ZFHX3: variants seen among roughly 807,000 people sequenced by gnomAD.
ZFHX3 encodes zinc finger homeobox protein 3.
Under a neutral mutation model 279.1 loss-of-function variants are expected in ZFHX3, and 42 were observed. That is an observed-to-expected ratio of 0.15 (90% CI 0.12 to 0.19). The LOEUF (loss-of-function observed/expected upper bound fraction) is 0.19, where lower values mean the gene tolerates loss of function less well. Among genes scored for constraint, ZFHX3 ranks in the 10% least tolerant of loss-of-function variants. The probability of loss-of-function intolerance (pLI) is 1.00; values close to 1 mark genes in which losing one functional copy is unlikely to be tolerated. For synonymous variants in ZFHX3, 2,293 were observed against 1,957.8 expected (o/e 1.17, Z -4.52); for missense variants, 4,981 against 4,754.0 (o/e 1.05, Z -1.40).
intron 3 of ZFHX3, among the ~76,000 whole-genome samples, chr16:73,443,646 T>G (rs955896506): frequency 5.3e-5 from 8 of 152,216 alleles, no homozygotes; most frequent in African/African-American, 1.9e-4. Context: ...AAATCTATTT[T>G]CCTCCTTCCC....
At position 73,437,236 on chromosome 16, in the gene ZFHX3, G is replaced by C. The variant is rs531494918; in HGVS notation, c.-1291+18767C>G. Among the ~76,000 whole-genome samples, 6 of 152,222 alleles carry C rather than the reference G, an allele frequency of 3.9e-5. No homozygotes were observed. The East Asian group carries it at 1.2e-3, about 29-fold the overall frequency. On this transcript the variant is annotated intron_variant, in intron 3 of 17. Coordinates refer to the ZFHX3 transcript ENST00000641206. ...GTATTTTGCAGATGAAAAAACTTAG[G>C]GCCAGAGAGATTAAATGACTGGTTC... is the stretch of plus-strand genomic sequence containing the variant.
chr16:72,987,185 T>G (rs1443855034), intron 1 of ZFHX3, among the ~76,000 whole-genome samples: 1 of 152,068 alleles, frequency 6.6e-6, no homozygotes, highest in East Asian at 1.9e-4. Context: ...AACTCAAGTT[T>G]TAAGGAGAAT....
intron 5 of ZFHX3, among the ~76,000 whole-genome samples, chr16:73,212,086 C>G (rs1301870254): frequency 2.6e-5 from 4 of 151,958 alleles, no homozygotes; most frequent in Non-Finnish European, 5.9e-5. Context: ...TGACTTCTCT[C>G]TCTCTCTTTT....
chr16:73,585,783 T>C (rs1054176350), intron 2 of ZFHX3, among the ~76,000 whole-genome samples: 2 of 152,144 alleles, frequency 1.3e-5, no homozygotes, highest in Non-Finnish European at 2.9e-5. Context: ...AGGTAGTAAG[T>C]GCAGTTAAAA....
chr16:73,706,473 A>AG (rs1278274924), intron 1 of ZFHX3, among the ~76,000 whole-genome samples: 1 of 150,140 alleles, frequency 6.7e-6, no homozygotes, highest in African/African-American at 2.5e-5. Context: ...AAAAAAAAAA[A>AG]AGAGAAAAAT....
intron 1 of ZFHX3, among the ~76,000 whole-genome samples, chr16:73,018,212 G>A (rs557620012): frequency 2.0e-5 from 3 of 151,548 alleles, no homozygotes; most frequent in Non-Finnish European, 2.9e-5. Context: ...GGCTGGTCTC[G>A]AACTCCTGGG....
chr16:73,100,405 T>A (rs568387874), intron 7 of ZFHX3, among the ~76,000 whole-genome samples: 1 of 152,304 alleles, frequency 6.6e-6, no homozygotes, highest in South Asian at 2.1e-4. Context: ...TTTTCTTTGA[T>A]CTGGCCCAGG....
rs541233274 is a variant in ZFHX3, at chr16:73,301,630, TG to T, written c.-1194+16609del. On this transcript the variant is annotated intron_variant, in intron 4 of 17. Transcript: ENST00000641206. The stretch of plus-strand genomic sequence containing the variant: ...CTAGACAGTCCTAGAGGCCTTGCAA[TG>T]TGGGCACCTCAACAAGGTCCCGATA... Among the ~76,000 whole-genome samples, 9 of 152,244 alleles carry T rather than the reference TG, an allele frequency of 5.9e-5. No homozygotes were observed. The East Asian group carries it at 1.7e-3, about 29-fold the overall frequency.
intron 3 of ZFHX3, among the ~76,000 whole-genome samples, chr16:73,349,009 G>A (rs753924235): frequency 9.2e-5 from 14 of 152,130 alleles, no homozygotes; most frequent in Non-Finnish European, 1.6e-4. Flanking sequence ...TATTATCCTG[G>A]GGGTCCACAG....
At chr16:73,183,602 G>T (rs1967848138) in intron 5 of ZFHX3, among the ~76,000 whole-genome samples, 1 of 152,154 alleles carries the variant, frequency 6.6e-6, no homozygotes, top group Non-Finnish European at 1.5e-5. Context: ...AGATGGTTGG[G>T]GCTACAGCCC....
chr16:73,677,600 G>C (rs938780042), intron 2 of ZFHX3, among the ~76,000 whole-genome samples: 4 of 151,788 alleles, frequency 2.6e-5, no homozygotes, highest in Admixed American at 6.6e-5. Context: ...TTTAACAATA[G>C]ATTTCTAGAA....
chr16:72,874,195 TTGA>T lies in ZFHX3; in HGVS notation c.3448+15533_3448+15535del, dbSNP rs1471602758. Among the ~76,000 whole-genome samples the T allele has an allele frequency of 7.8e-4, 99 of 127,638 alleles. 2 individuals carry two copies. The highest frequency in any genetic ancestry group is 2.9e-3 in the African/African-American group (98 of 34,050). The allele number at this position is 127,638 out of a possible 152,430, so 83.7% of individuals were successfully genotyped here. ...GCCTGGAGCTCAGATGGAGGATTTT[TTGA>T]TTTTTTTTTTTTTTTTTTTTTTTTT... On this transcript the variant is annotated intron_variant, in intron 4 of 9. Coordinates refer to ENST00000268489, the MANE Select transcript of ZFHX3 (RefSeq NM_006885.4).
chr16:73,570,045 T>C (rs1040341919), intron 2 of ZFHX3, among the ~76,000 whole-genome samples: 1 of 152,212 alleles, frequency 6.6e-6, no homozygotes, highest in Admixed American at 6.5e-5. Flanking sequence ...AGTCTTCTTT[T>C]CCTGTGATCT....
chr16:73,082,218 T>C (rs1296642918), intron 8 of ZFHX3, among the ~76,000 whole-genome samples: 2 of 152,206 alleles, frequency 1.3e-5, no homozygotes, highest in Middle Eastern at 3.4e-3. Context: ...AAATATCTCA[T>C]GGTAACTAGC....
At chr16:73,861,891 G>A (rs113380977) in intron 1 of ZFHX3, among the ~76,000 whole-genome samples, 2,246 of 152,284 alleles carry the variant, frequency 0.015, 37 homozygotes, top group Non-Finnish European at 0.021. Flanking sequence ...CATTCATATG[G>A]AAGTAAAATA....
chr16:72,958,056 G>A lies in ZFHX3; in HGVS notation c.2090C>T (p.Pro697Leu), dbSNP rs1487650687. The change falls in exon 2 of 10, where the codon CCG becomes CTG. Residue 697 changes from proline to leucine, a missense_variant. By Grantham distance (98) the Pro-to-Leu change is moderately conservative. Around this residue, in one of 7 missense-constraint regions of ZFHX3, gnomAD observed 1,068 missense variants for 935.2 expected, o/e 1.14. Coordinates refer to ENST00000268489, the MANE Select transcript of ZFHX3 (RefSeq NM_006885.4). ...TTTGCAGTAGACACAGGAGCCCCCC[G>A]GCTCCGGGTGCTTCTCCTTCATGTG... ...EAHMKEKHPE[P>L]GGSCVYCKSG... is the part of the protein sequence containing the mutation. 11 of 1,613,676 alleles carry A rather than the reference G, an allele frequency of 6.8e-6. No individual in the cohort carries two copies. Among genetic ancestry groups the A allele is most frequent in the African/African-American group, 1.3e-5 (1 of 74,936 alleles).
At chr16:72,792,944 AG>A (rs974966416) in intron 9 of ZFHX3, among the ~76,000 whole-genome samples, 30 of 152,340 alleles carry the variant, frequency 2.0e-4, no homozygotes, top group African/African-American at 7.0e-4. Flanking sequence ...ACTGAATGAA[AG>A]GGTCTATGAT....
At chr16:73,678,494 A>G (rs904940924) in intron 2 of ZFHX3, among the ~76,000 whole-genome samples, 1 of 152,204 alleles carries the variant, frequency 6.6e-6, no homozygotes, top group African/African-American at 2.4e-5. Context: ...TTTTCAGAAC[A>G]AAAATGTTGA....
intron 2 of ZFHX3, among the ~76,000 whole-genome samples, chr16:73,619,460 C>A (rs1048504968): frequency 1.4e-5 from 2 of 146,110 alleles, no homozygotes; most frequent in African/African-American, 5.2e-5. Context: ...TGCACTTCAG[C>A]CTGGGTGACA....
Sources: gnomAD v4.1 joint callset for allele counts (sites outside exome capture counted in the v4.1 genomes callset) on GRCh38, gnomAD v4.1.1 for gene constraint, gnomAD v4.1.1 regional missense constraint, MANE v1.5 for transcripts, NCBI Gene and HGNC (gene_info 2026-07-23, HGNC 2026-07-21) for gene names.